FSTL5: variants seen among roughly 807,000 people sequenced by gnomAD.
The protein encoded by FSTL5 is follistatin-related protein 5.
A neutral mutation model predicts 89.1 loss-of-function variants in FSTL5; 62 were observed. The ratio of observed to expected loss-of-function variants is 0.70; its 90% CI spans 0.57 to 0.86. The LOEUF (loss-of-function observed/expected upper bound fraction) is 0.86. FSTL5 is among the 40% of genes least tolerant of loss of function. The pLI is 0.00. For missense variants in FSTL5, 1,057 were observed against 1,001.6 expected (o/e 1.06, Z -0.75); for synonymous variants, 383 against 346.2 (o/e 1.11, Z -1.18).
At chr4:161,760,464 G>A (rs930814778) in intron 5 of FSTL5, among the ~76,000 whole-genome samples, 1 of 152,080 alleles carries the variant, frequency 6.6e-6, no homozygotes, top group African/African-American at 2.4e-5. Context: ...TCAAAATCAG[G>A]TGGCTCTGGG....
intron 7 of FSTL5, among the ~76,000 whole-genome samples, chr4:161,609,209 T>G (rs999636416): frequency 9.9e-5 from 15 of 152,120 alleles, no homozygotes; most frequent in African/African-American, 3.4e-4. Context: ...AATGAATACA[T>G]TAATTATAAT....
chr4:161,983,825 C>A (rs1735891962), intron 3 of FSTL5, among the ~76,000 whole-genome samples: 1 of 152,108 alleles, frequency 6.6e-6, no homozygotes, highest in African/African-American at 2.4e-5. Flanking sequence ...ATTAAACTCA[C>A]ATGATTTTGG....
At chr4:161,683,494 T>A (rs1737596854) in intron 6 of FSTL5, among the ~76,000 whole-genome samples, 1 of 152,148 alleles carries the variant, frequency 6.6e-6, no homozygotes, top group Non-Finnish European at 1.5e-5. Context: ...ATTTTAATAA[T>A]TTTAGAAATT....
chr4:161,700,622 C>A (rs537085469), intron 6 of FSTL5, among the ~76,000 whole-genome samples: 22 of 152,004 alleles, frequency 1.4e-4, no homozygotes, highest in Non-Finnish European at 2.8e-4. Flanking sequence ...AGCAATCCAC[C>A]CGCCTGGGCC....
At chr4:161,946,181 C>T (rs528160556) in intron 3 of FSTL5, among the ~76,000 whole-genome samples, 1 of 152,198 alleles carries the variant, frequency 6.6e-6, no homozygotes, top group African/African-American at 2.4e-5. Flanking sequence ...TATGTTCATT[C>T]GTTAACATTT....
intron 11 of FSTL5, among the ~76,000 whole-genome samples, chr4:161,509,136 C>T (rs1730572440): frequency 6.6e-6 from 1 of 152,072 alleles, no homozygotes; most frequent in South Asian, 2.1e-4. Flanking sequence ...AACCCCGTCT[C>T]TACTAAAAAT....
chr4:162,020,648 T>C (rs1737049706), intron 3 of FSTL5, among the ~76,000 whole-genome samples: 1 of 152,032 alleles, frequency 6.6e-6, no homozygotes, highest in Non-Finnish European at 1.5e-5. Flanking sequence ...AGTTTTAAGG[T>C]AGGCCATTTG....
At chr4:161,631,840 A>G (rs1735515812) in intron 7 of FSTL5, among the ~76,000 whole-genome samples, 1 of 152,160 alleles carries the variant, frequency 6.6e-6, no homozygotes, top group Non-Finnish European at 1.5e-5. Context: ...CAAATTTGCA[A>G]AAGTACCTAA....
At chr4:161,467,459 A>G (rs1054642554) in intron 13 of FSTL5, among the ~76,000 whole-genome samples, 8 of 152,240 alleles carry the variant, frequency 5.3e-5, no homozygotes, top group South Asian at 2.1e-4. Context: ...TTTGCAGTTC[A>G]CTATAAATGT....
chr4:161,944,902 A>G (rs2110934375), intron 3 of FSTL5, among the ~76,000 whole-genome samples: 1 of 151,746 alleles, frequency 6.6e-6, no homozygotes, highest in South Asian at 2.1e-4. Context: ...GAATGTTTAT[A>G]ATATTCAAAG....
At chr4:161,823,321 G>C (rs185892331) in intron 4 of FSTL5, among the ~76,000 whole-genome samples, 47 of 152,248 alleles carry the variant, frequency 3.1e-4, no homozygotes, top group Non-Finnish European at 4.9e-4. Flanking sequence ...TCATCCCAAG[G>C]GGCGTCTGCA....
At chr4:161,535,428 G>A (rs1731570334) in intron 10 of FSTL5, among the ~76,000 whole-genome samples, 1 of 151,992 alleles carries the variant, frequency 6.6e-6, no homozygotes, top group Non-Finnish European at 1.5e-5. Flanking sequence ...CATAAGAACA[G>A]ACACTTATCG....
At chr4:161,651,185 T>G (rs1007985108) in intron 7 of FSTL5, among the ~76,000 whole-genome samples, 16 of 152,078 alleles carry the variant, frequency 1.1e-4, no homozygotes, top group African/African-American at 3.9e-4. Flanking sequence ...TTTTCAGAAA[T>G]GTGGGCATAC....
chr4:161,437,589 C>CAGAAAAGG (rs1732614925), intron 15 of FSTL5, among the ~76,000 whole-genome samples: 1 of 90,980 alleles, frequency 1.1e-5, no homozygotes, highest in African/African-American at 4.6e-5. Flanking sequence ...AAAACGAGGT[C>CAGAAAAGG]AGAAAAGGTC....
intron 4 of FSTL5, among the ~76,000 whole-genome samples, chr4:161,800,815 C>T (rs1729768059): frequency 6.6e-6 from 1 of 151,606 alleles, no homozygotes; most frequent in East Asian, 1.9e-4. Context: ...GTATAAATAT[C>T]TTTAATATAA....
intron 6 of FSTL5, among the ~76,000 whole-genome samples, chr4:161,723,396 T>C (rs1329611749): frequency 6.6e-6 from 1 of 152,178 alleles, no homozygotes; most frequent in Non-Finnish European, 1.5e-5. Flanking sequence ...AAAATGGCAA[T>C]TGTTTCCTCT....
intron 3 of FSTL5, among the ~76,000 whole-genome samples, chr4:161,924,378 T>A (rs1177360705): frequency 6.6e-6 from 1 of 150,758 alleles, no homozygotes; most frequent in Non-Finnish European, 1.5e-5. Context: ...TATATTTATA[T>A]TCTTGTCTAT....
At position 161,716,424 on chromosome 4, in the gene FSTL5, C is replaced by A. The variant is rs548590083; in HGVS notation, c.727+42987G>T. Among the ~76,000 whole-genome samples the A allele has an allele frequency of 5.3e-5, 8 of 152,124 alleles. No individual in the cohort carries two copies. In the East Asian group the frequency reaches 1.6e-3, roughly 30 times the overall value. ...ACAGCCTGGCCAACATGGCAAAACC[C>A]TGTCTCTACTAAAAATACCAAAGTG... is the stretch of plus-strand genomic sequence containing the variant. On this transcript the variant is annotated intron_variant, in intron 6 of 15. Coordinates refer to ENST00000306100, the MANE Select transcript of FSTL5 (RefSeq NM_020116.5).
In FSTL5 at chr4:161,473,406, C is replaced by T. The variant is rs187957983; in HGVS notation, c.1608+7614G>A. On this transcript the variant is annotated intron_variant, in intron 13 of 15. Transcript: ENST00000306100. ...TGATTTTTTTATTAATAAATTATCT[C>T]CCTCTTTGTCTCTTGTAATTTTTTT... Among the ~76,000 whole-genome samples the T allele has an allele frequency of 1.2e-3, 180 of 148,460 alleles. 3 individuals carry two copies. In the East Asian group the frequency reaches 0.032, roughly 27 times the overall value.
Sources: gnomAD v4.1 joint callset for allele counts (sites outside exome capture counted in the v4.1 genomes callset) on GRCh38, gnomAD v4.1.1 for gene constraint, MANE v1.5 for transcripts, NCBI Gene and HGNC (gene_info 2026-07-23, HGNC 2026-07-21) for gene names.